Variants in UGT1A9 observed in about 807,000 individuals in gnomAD.
The protein encoded by UGT1A9 is UDP glucuronosyltransferase family 1 member A9.
UGT1A9 carries 35 observed loss-of-function variants against 45.0 expected under a neutral mutation model. The observed-to-expected ratio is 0.78, with a 90% confidence interval of 0.59 to 1.03. UGT1A9 has a LOEUF of 1.03. Ranked by LOEUF, UGT1A9 falls within the 50% of genes least tolerant of loss-of-function variation. The probability of loss-of-function intolerance (pLI) is 0.00; values close to 1 mark genes in which losing one functional copy is unlikely to be tolerated. For synonymous variants in UGT1A9, 278 were observed against 250.6 expected (o/e 1.11, Z -1.03); for missense variants, 687 against 666.6 (o/e 1.03, Z -0.34).
intron 1 of UGT1A9, among the ~76,000 whole-genome samples, chr2:233,730,853 A>G (rs560522362): frequency 1.1e-4 from 17 of 152,196 alleles, no homozygotes; most frequent in Non-Finnish European, 2.1e-4. Context: ...ACATCACCAA[A>G]CCCACCCTAC....
At chr2:233,720,076 G>A (rs1239558691) in intron 1 of UGT1A9, among the ~76,000 whole-genome samples, 1 of 152,116 alleles carries the variant, frequency 6.6e-6, no homozygotes, top group African/African-American at 2.4e-5. Context: ...TTAGAATTGT[G>A]GACATGATAA....
chr2:233,727,683 T>C (rs2077639465), intron 1 of UGT1A9, among the ~76,000 whole-genome samples: 1 of 152,204 alleles, frequency 6.6e-6, no homozygotes, highest in Admixed American at 6.5e-5. Flanking sequence ...TTCCCAGGAA[T>C]CATCCTCTAC....
chr2:233,725,050 GGCGGC>G (rs1446424996), intron 1 of UGT1A9, among the ~76,000 whole-genome samples: 4 of 147,892 alleles, frequency 2.7e-5, no homozygotes, highest in African/African-American at 1.0e-4. Context: ...AGTCAGGCGT[GGCGGC>G]GCGCGCCTGC....
intron 1 of UGT1A9, among the ~76,000 whole-genome samples, chr2:233,696,494 A>G (rs1286890486): frequency 2.0e-5 from 3 of 152,178 alleles, no homozygotes; most frequent in Admixed American, 6.5e-5. Context: ...ACTTTACCGA[A>G]TTTGCTTGTC....
intron 1 of UGT1A9, among the ~76,000 whole-genome samples, chr2:233,732,370 CTA>C (rs2078265306): frequency 6.6e-6 from 1 of 152,226 alleles, no homozygotes; most frequent in African/African-American, 2.4e-5. Context: ...TGGCCCATGC[CTA>C]TGTCTTCTAG....
At chr2:233,729,480 C>G in intron 1 of UGT1A9, 1 of 1,614,164 alleles carries the variant, frequency 6.2e-7, no homozygotes, top group South Asian at 1.1e-5. Context: ...CAATGTTGAA[C>G]AATATGTCTT....
At chr2:233,767,325 T>C (rs1479941821) in intron 2 of UGT1A9, among the ~76,000 whole-genome samples, 160 bp downstream of exon 2, 1 of 152,210 alleles carries the variant, frequency 6.6e-6, no homozygotes, top group Non-Finnish European at 1.5e-5. Flanking sequence ...TTGTTGTGGT[T>C]GTTGTCATTG....
At position 233,768,045 on chromosome 2, in the gene UGT1A9, A is replaced by G. The variant is rs1699553884; in HGVS notation, c.1075+109A>G. 10 of 1,608,356 alleles carry G rather than the reference A, an allele frequency of 6.2e-6. No individual in the cohort carries two copies. The Admixed American group carries it at 1.5e-4, about 25-fold the overall frequency. On this transcript the variant is annotated intron_variant, in intron 3 of 4. Coordinates refer to ENST00000354728, the MANE Select transcript of UGT1A9 (RefSeq NM_021027.3). ...TGAGCTTGAAAATATTATGGCCAAC[A>G]TATCCTACATTGCTTTTTATCTAGT...
At chr2:233,682,250 GCATTTTCTCTATTAA>G (rs781556867) in intron 1 of UGT1A9, 1 of 1,614,148 alleles carries the variant, frequency 6.2e-7, no homozygotes, top group Non-Finnish European at 8.5e-7. Context: ...ATTGCGAAGT[GCATTTTCTCTATTAA>G]CAAGTTCATC....
At chr2:233,754,028 T>C (rs751344508) in intron 1 of UGT1A9, among the ~76,000 whole-genome samples, 3 of 152,268 alleles carry the variant, frequency 2.0e-5, no homozygotes, top group African/African-American at 7.2e-5. Context: ...AGGAAACGAA[T>C]GCATCCACTT....
At position 233,747,671 on chromosome 2, in the gene UGT1A9, A is replaced by C. The variant is rs1693745926; in HGVS notation, c.856-19363A>C. On this transcript the variant is annotated intron_variant, in intron 1 of 4. Coordinates refer to ENST00000354728, the MANE Select transcript of UGT1A9 (RefSeq NM_021027.3). ...CCTTCGATGTGGTTTTAATAGACCCAATTTACCTCTGTGGGGCAGTGCTGG... is the reference window on the plus strand; with the variant it reads ...CCTTCGATGTGGTTTTAATAGACCCCATTTACCTCTGTGGGGCAGTGCTGG... 13 of 1,604,740 alleles carry C rather than the reference A, an allele frequency of 8.1e-6. No homozygotes were observed. In the South Asian group the frequency reaches 1.4e-4, roughly 18 times the overall value.
At chr2:233,735,095 T>A (rs2078606910) in intron 1 of UGT1A9, among the ~76,000 whole-genome samples, 2 of 152,186 alleles carry the variant, frequency 1.3e-5, no homozygotes, top group South Asian at 4.1e-4. Context: ...TGTTGAACTG[T>A]CTAATATCGA....
intron 1 of UGT1A9, among the ~76,000 whole-genome samples, chr2:233,732,497 G>A (rs2078278332): frequency 6.6e-6 from 1 of 152,228 alleles, no homozygotes; most frequent in Non-Finnish European, 1.5e-5. Flanking sequence ...TAAGGCGTAA[G>A]GAAGGGATCC....
intron 1 of UGT1A9, among the ~76,000 whole-genome samples, chr2:233,765,525 A>G (rs1329952354): frequency 6.6e-6 from 1 of 152,210 alleles, no homozygotes; most frequent in East Asian, 1.9e-4. Flanking sequence ...CAAACACCGC[A>G]TGTTCTCACT....
intron 4 of UGT1A9, chr2:233,771,400 G>A (rs1195716316): frequency 6.6e-6 from 1 of 152,152 alleles, no homozygotes; most frequent in Non-Finnish European, 1.5e-5. Flanking sequence ...ATTGGGCAAT[G>A]AACACTGTCC....
rs749212538 is a variant in UGT1A9 at position 233,718,994 on chromosome 2, G to C, written c.855+46205G>C. On this transcript the variant is annotated intron_variant, in intron 1 of 4. Coordinates refer to ENST00000354728, the MANE Select transcript of UGT1A9 (RefSeq NM_021027.3). ...AGCTCCATGCCAGAGGCCACCAGGCGGTGGTCCTCACCCCAGAGGTGAATA... is the reference window on the plus strand; with the variant it reads ...AGCTCCATGCCAGAGGCCACCAGGCCGTGGTCCTCACCCCAGAGGTGAATA... 11 of 1,613,986 alleles carry C rather than the reference G, an allele frequency of 6.8e-6. No individual in the cohort carries two copies. In the Admixed American group the frequency reaches 1.2e-4, roughly 17 times the overall value.
chr2:233,761,518 T>G (rs780967719), intron 1 of UGT1A9, among the ~76,000 whole-genome samples: 1 of 152,242 alleles, frequency 6.6e-6, no homozygotes, highest in Non-Finnish European at 1.5e-5. Flanking sequence ...GCAGGCAATG[T>G]TCAGGACTGA....
intron 3 of UGT1A9, 52 bp downstream of exon 3, chr2:233,767,988 A>G (rs1699538477): frequency 6.2e-7 from 1 of 1,614,042 alleles, no homozygotes; most frequent in Admixed American, 1.7e-5. Flanking sequence ...AATTAAGAAA[A>G]TGGCTTAAGC....
rs8330 is a variant in UGT1A9 at position 233,772,999 on chromosome 2, G to C, written c.*440G>C. ...ATAATGGTCAGTCCTCATCTCTGTC[G>C]TGCTTCATAGGTGCCACCTTGTGTG... On this transcript the variant is annotated 3_prime_UTR_variant, in exon 5 of 5. Transcript: ENST00000354728. 179,059 of 238,554 alleles carry C rather than the reference G, an allele frequency of 0.75. 68,191 individuals carry two copies. Among genetic ancestry groups the C allele is most frequent in the East Asian group, 0.88 (8,737 of 9,894 alleles). The allele number at this position is 238,554 out of a possible 1,614,324, so 14.8% of individuals were successfully genotyped here.
Sources: gnomAD v4.1 joint callset for allele counts (sites outside exome capture counted in the v4.1 genomes callset) on GRCh38, gnomAD v4.1.1 for gene constraint, MANE v1.5 for transcripts, NCBI Gene and HGNC (gene_info 2026-07-23, HGNC 2026-07-21) for gene names.